Variants in PCDHGA7 observed in about 807,000 individuals in gnomAD.
The protein encoded by PCDHGA7 is protocadherin gamma subfamily A, 7, also known as protocadherin gamma-A7.
PCDHGA7 carries 44 observed loss-of-function variants against 58.3 expected under a neutral mutation model. The ratio of observed to expected loss-of-function variants is 0.75; its 90% CI spans 0.59 to 0.97. PCDHGA7 has a LOEUF of 0.97. PCDHGA7 is among the 50% of genes least tolerant of loss of function. The pLI, the probability that PCDHGA7 is intolerant of heterozygous loss-of-function variation, is 0.00. For synonymous variants in PCDHGA7, 516 were observed against 504.2 expected (o/e 1.02, Z -0.31); for missense variants, 1,266 against 1,188.7 (o/e 1.06, Z -0.96).
intron 1 of PCDHGA7, chr5:141,399,681 C>A (rs2093865042): frequency 1.2e-6 from 2 of 1,613,408 alleles, no homozygotes; most frequent in Non-Finnish European, 1.7e-6. Flanking sequence ...CCTTTGACTA[C>A]GAGCAGCTGC....
At chr5:141,399,751 G>T (rs564705346) in intron 1 of PCDHGA7, 2 of 1,613,322 alleles carry the variant, frequency 1.2e-6, no homozygotes, top group Non-Finnish European at 1.7e-6. Context: ...CAGCGCAAAC[G>T]TGAGCCTGCG....
chr5:141,476,233 G>A lies in PCDHGA7; in HGVS notation c.2425-18574G>A, dbSNP rs1162067190. ...CGGTCATTCACTATGAGATCCCGGA[G>A]GAAAGAGAGAAGGGTTTCGCTGTGG... On this transcript the variant is annotated intron_variant, in intron 1 of 3. Coordinates refer to ENST00000518325, the MANE Select transcript of PCDHGA7 (RefSeq NM_018920.4). The surrounding 1 kb of genome is among the most constrained non-coding windows in gnomAD (Gnocchi z 7.6). The A allele has an allele frequency of 3.1e-6, 5 of 1,613,996 alleles. No homozygotes were observed. Among genetic ancestry groups the A allele is most frequent in the African/African-American group, 2.7e-5 (2 of 74,894 alleles).
chr5:141,438,072 A>C (rs761630845), intron 1 of PCDHGA7, among the ~76,000 whole-genome samples: 1 of 152,158 alleles, frequency 6.6e-6, no homozygotes, highest in Non-Finnish European at 1.5e-5. Flanking sequence ...AACCATACTT[A>C]ATGGAAAATT....
intron 1 of PCDHGA7, among the ~76,000 whole-genome samples, chr5:141,458,890 C>A (rs369529373): frequency 2.0e-5 from 3 of 152,042 alleles, no homozygotes; most frequent in African/African-American, 7.2e-5. Flanking sequence ...GCACACCATG[C>A]GCAGCTAATT....
At position 141,431,307 on chromosome 5, in the gene PCDHGA7, A is replaced by G. The variant is rs1332508283; in HGVS notation, c.2424+45984A>G. On this transcript the variant is annotated intron_variant, in intron 1 of 3. Transcript: ENST00000518325. This position sits in a 1 kb window ranked among gnomAD's most constrained non-coding sequence, Gnocchi z 4.8. ...AACACTCACTTCTCCCTCATCGTGC[A>G]AAATGGAGCCGACGGTAGTAAGTAC... 3.7e-6 allele frequency: 6 copies of G among 1,614,002 alleles called. No homozygotes were observed. The African/African-American group carries it at 4.0e-5, about 11-fold the overall frequency.
At position 141,489,494 on chromosome 5, in the gene PCDHGA7, C is replaced by A. The variant is rs1191408769; in HGVS notation, c.2425-5313C>A. ...CTGAGCTTGATGAGTGGTGCCCTGGCAGTGAATCAAAAGATTGACCGAGAA... is the reference window on the plus strand; with the variant it reads ...CTGAGCTTGATGAGTGGTGCCCTGGAAGTGAATCAAAAGATTGACCGAGAA... On this transcript the variant is annotated intron_variant, in intron 1 of 3. Coordinates refer to ENST00000518325, the MANE Select transcript of PCDHGA7 (RefSeq NM_018920.4). This position sits in a 1 kb window ranked among gnomAD's most constrained non-coding sequence, Gnocchi z 4.5. 1.1e-5 allele frequency: 18 copies of A among 1,613,932 alleles called. No individual in the cohort carries two copies. The highest frequency in any genetic ancestry group is 1.7e-5 in the Admixed American group (1 of 59,998).
rs191953163 is a variant in PCDHGA7 at position 141,426,385 on chromosome 5, C to T, written c.2424+41062C>T. Reference sequence around the variant, plus strand: ...CTGCGGGGCACCCTCGGAGCAGATCCGCTACTCTATTCCAGAAGAAACGGT... The same window carrying T: ...CTGCGGGGCACCCTCGGAGCAGATCTGCTACTCTATTCCAGAAGAAACGGT... On this transcript the variant is annotated intron_variant, in intron 1 of 3. Transcript: ENST00000518325. 1.4e-3 allele frequency: 332 copies of T among 244,362 alleles called. 1 individual carries two copies. The highest frequency in any genetic ancestry group is 1.5e-3 in the Non-Finnish European group (188 of 121,940). 15.1% of individuals were successfully genotyped at this position (244,362 alleles called of 1,614,324 possible). A position where few individuals can be genotyped will look rare whatever the true frequency, so the allele number is the denominator to read the frequency against.
intron 1 of PCDHGA7, among the ~76,000 whole-genome samples, chr5:141,437,164 T>C (rs1262289843): frequency 1.3e-5 from 2 of 152,226 alleles, no homozygotes; most frequent in Non-Finnish European, 2.9e-5. Flanking sequence ...GTGTTGATTG[T>C]TTTCTGAGAC....
chr5:141,386,228 G>A (rs2090502520), intron 1 of PCDHGA7, among the ~76,000 whole-genome samples: 1 of 152,100 alleles, frequency 6.6e-6, no homozygotes, highest in Non-Finnish European at 1.5e-5. Context: ...TAGGTCTACT[G>A]AAAAATTCAG....
In PCDHGA7 at chr5:141,398,254, A is replaced by G. The variant is rs868152545; in HGVS notation, c.2424+12931A>G. 5.5e-6 allele frequency: 8 copies of G among 1,465,970 alleles called. No homozygotes were observed. In the African/African-American group the frequency reaches 8.6e-5, roughly 16 times the overall value. The allele number at this position is 1,465,970 out of a possible 1,614,324, so 90.8% of individuals were successfully genotyped here. On this transcript the variant is annotated intron_variant, in intron 1 of 3. Transcript: ENST00000518325. ...CTACAGGATTCCCGAGGAAATGCCC[A>G]AGGGCTCCGTAGTGGGGAACCTCGC... is the stretch of plus-strand genomic sequence containing the variant.
chr5:141,448,639 T>A (rs1248697237), intron 1 of PCDHGA7, among the ~76,000 whole-genome samples: 1 of 152,148 alleles, frequency 6.6e-6, no homozygotes, highest in Admixed American at 6.6e-5. Flanking sequence ...CATTATATCC[T>A]TTAAAAATAT....
At chr5:141,464,278 G>GAAAA (rs2099080310) in intron 1 of PCDHGA7, among the ~76,000 whole-genome samples, 1 of 121,594 alleles carries the variant, frequency 8.2e-6, no homozygotes. Context: ...AAAAAAAAAA[G>GAAAA]CAAAAAAAAA....
intron 1 of PCDHGA7, chr5:141,419,989 T>C (rs778087109): frequency 4.1e-5 from 66 of 1,613,962 alleles, no homozygotes; most frequent in Non-Finnish European, 5.2e-5. Context: ...TGATTCTAGC[T>C]ATTGCTCTAC....
chr5:141,427,405 C>T (rs1209638263), intron 1 of PCDHGA7: 1 of 462,180 alleles, frequency 2.2e-6, no homozygotes, highest in East Asian at 6.8e-5. Context: ...GATAAAGATT[C>T]GAGAGAAAAT....
In PCDHGA7 at chr5:141,389,258, C is replaced by T. The variant is rs373970987; in HGVS notation, c.2424+3935C>T. The stretch of plus-strand genomic sequence containing the variant: ...TCTCACAGTCTTCCTATATAGTCCA[C>T]GTGGCCGAGAACAACCCGCCTGGAG... On this transcript the variant is annotated intron_variant, in intron 1 of 3. Coordinates refer to ENST00000518325, the MANE Select transcript of PCDHGA7 (RefSeq NM_018920.4). 4 of 1,614,022 alleles carry T rather than the reference C, an allele frequency of 2.5e-6. No homozygotes were observed. The African/African-American group carries it at 4.0e-5, about 16-fold the overall frequency.
Position 141,464,284 on chromosome 5 carries a change from A to C in PCDHGA7, c.2425-30523A>C, listed in dbSNP as rs1237360752. ...CGTCTAAAAAAAAAAAAAAGCAAAA[A>C]AAAAAACTCCATTGTATGTGCACAT... On this transcript the variant is annotated intron_variant, in intron 1 of 3. Coordinates refer to ENST00000518325, the MANE Select transcript of PCDHGA7 (RefSeq NM_018920.4). 4.0e-5 allele frequency among the ~76,000 whole-genome samples: 6 copies of C among 151,546 alleles called. No individual in the cohort carries two copies. The South Asian group carries it at 1.0e-3, about 26-fold the overall frequency.
chr5:141,415,123 G>A (rs1349224471), intron 1 of PCDHGA7: 3 of 1,613,540 alleles, frequency 1.9e-6, no homozygotes, highest in African/African-American at 1.3e-5. Context: ...CGTAGTGGCC[G>A]TCCAGGACCA....
chr5:141,414,986 A>G, intron 1 of PCDHGA7: 4 of 1,613,824 alleles, frequency 2.5e-6, no homozygotes, highest in Non-Finnish European at 3.4e-6. Context: ...GACTCCGGCC[A>G]GAACGCCTGG....
intron 1 of PCDHGA7, chr5:141,418,551 T>A (rs766987131): frequency 1.2e-6 from 2 of 1,614,026 alleles, no homozygotes; most frequent in South Asian, 2.2e-5. Context: ...ATAAGAATCC[T>A]GGTAATAGAT....
Sources: gnomAD v4.1 joint callset for allele counts (sites outside exome capture counted in the v4.1 genomes callset) on GRCh38, gnomAD v4.1.1 for gene constraint, Gnocchi (gnomAD v3.1) non-coding constraint, MANE v1.5 for transcripts, NCBI Gene and HGNC (gene_info 2026-07-23, HGNC 2026-07-21) for gene names.